Variants in ARPP21 observed in about 807,000 individuals in gnomAD.
ARPP21 encodes cAMP regulated phosphoprotein 21.
A neutral mutation model predicts 113.2 loss-of-function variants in ARPP21; 69 were observed. The ratio of observed to expected loss-of-function variants is 0.61; its 90% CI spans 0.50 to 0.74. ARPP21 has a LOEUF of 0.74. Ranked by LOEUF, ARPP21 falls within the 30% of genes least tolerant of loss-of-function variation. The pLI is 0.00. For missense variants in ARPP21, 1,070 were observed against 1,037.4 expected (o/e 1.03, Z -0.43); for synonymous variants, 368 against 375.5 (o/e 0.98, Z 0.23).
chr3:35,793,760 G>A lies in ARPP21; in HGVS notation c.2346G>A (p.Met782Ile). 6.2e-7 allele frequency: 1 copy of A among 1,613,858 alleles called. No individual in the cohort carries two copies. The highest frequency in any genetic ancestry group is 8.5e-7 in the Non-Finnish European group (1 of 1,179,738). The change falls in exon 21 of 21, where the codon ATG (methionine) becomes ATA (isoleucine). Residue 782 changes from methionine to isoleucine, a missense_variant. Physicochemically the swap from Met to Ile is conservative, Grantham distance 10. Transcript: ENST00000684406. ...AGCAGTCATACCAACAGCCAATCAT[G>A]CTACCTAACCAGGCAGGTCAAGGGT... ...LPQQSYQQPI[M>I]LPNQAGQGSL...
intron 18 of ARPP21, among the ~76,000 whole-genome samples, chr3:35,741,362 T>G (rs2094645863): frequency 6.6e-6 from 1 of 152,220 alleles, no homozygotes. Flanking sequence ...CAGATAAAGG[T>G]ATAGGCTATA....
intron 19 of ARPP21, among the ~76,000 whole-genome samples, chr3:35,767,214 C>T (rs866989602): frequency 2.0e-5 from 3 of 152,160 alleles, no homozygotes; most frequent in African/African-American, 7.2e-5. Flanking sequence ...ATAGTGATCT[C>T]TGGGACTTAC....
chr3:35,721,628 G>A lies in ARPP21; in HGVS notation c.1019G>A (p.Arg340Lys), dbSNP rs1179592951. 4 of 1,611,968 alleles carry A rather than the reference G, an allele frequency of 2.5e-6. No individual in the cohort carries two copies. In the Admixed American group the frequency reaches 6.7e-5, roughly 27 times the overall value. ...LFRGNRDGSG[R>K]TSGSRQSSSE... ...AGGGGCAACAGAGATGGCTCAGGGA[G>A]AACATCTGGGAGTCGACAGAGCAGC... Residue 340 changes from arginine (R) to lysine (K), a missense_variant, in exon 14 of 21, where the codon AGA (arginine) becomes AAA (lysine). Transcript: ENST00000684406.
chr3:35,743,199 CCT>C (rs1033474703), intron 18 of ARPP21, among the ~76,000 whole-genome samples: 24 of 152,262 alleles, frequency 1.6e-4, no homozygotes, highest in Middle Eastern at 3.4e-3. Flanking sequence ...ATGTTTCACC[CCT>C]GTTTCCATTA....
At chr3:35,649,603 C>A (rs190740553) in intron 1 of ARPP21, among the ~76,000 whole-genome samples, 1 of 152,070 alleles carries the variant, frequency 6.6e-6, no homozygotes, top group East Asian at 1.9e-4. Context: ...CCAGCATGTG[C>A]GGAAGGAATT....
intron 1 of ARPP21, among the ~76,000 whole-genome samples, chr3:35,666,518 A>C (rs1378350816): frequency 1.3e-5 from 2 of 152,200 alleles, no homozygotes; most frequent in African/African-American, 2.4e-5. Context: ...AACTAGTTTT[A>C]AAATTTTTGT....
At chr3:35,766,082 T>A (rs1271495977) in intron 19 of ARPP21, among the ~76,000 whole-genome samples, 1 of 152,192 alleles carries the variant, frequency 6.6e-6, no homozygotes, top group East Asian at 1.9e-4. Flanking sequence ...CTATTATTTA[T>A]GTGGAGTATC....
At chr3:35,707,509 C>T (rs1395886435) in intron 10 of ARPP21, 2 of 459,884 alleles carry the variant, frequency 4.3e-6, no homozygotes, top group Admixed American at 2.3e-5. Context: ...CGATGATCAA[C>T]CGGTGTAGCT....
intron 19 of ARPP21, among the ~76,000 whole-genome samples, chr3:35,761,102 C>A (rs1296968349): frequency 1.3e-5 from 2 of 152,082 alleles, no homozygotes; most frequent in Non-Finnish European, 2.9e-5. Flanking sequence ...TTTGAGAATT[C>A]TTCTGAGTTT....
intron 17 of ARPP21, 25 bp downstream of exon 17, chr3:35,738,343 T>A (rs2094476469): frequency 6.7e-7 from 1 of 1,491,890 alleles, no homozygotes; most frequent in African/African-American, 1.4e-5. Context: ...GTATATGACT[T>A]TTTCCCCTAG....
At chr3:35,737,115 G>T in intron 15 of ARPP21, 63 bp from the exon 16 acceptor site, 14 of 950,516 alleles carry the variant, frequency 1.5e-5, no homozygotes, top group Non-Finnish European at 2.2e-5. Flanking sequence ...CTAACAGAGT[G>T]GTTCTTCATG....
chr3:35,769,522 G>C (rs1045617109), intron 19 of ARPP21, among the ~76,000 whole-genome samples: 1 of 152,140 alleles, frequency 6.6e-6, no homozygotes, highest in Non-Finnish European at 1.5e-5. Flanking sequence ...GCCCCGCTTT[G>C]CTTTAAGTCT....
At position 35,680,612 on chromosome 3, in the gene ARPP21, C is replaced by T. The variant is rs192366391; in HGVS notation, c.-39+652C>T. Reference sequence around the variant, plus strand: ...GAAACATATTAAAACTCTTATTTGTCTAGTAATAATTACCATTGTAATGAC... The same window carrying T: ...GAAACATATTAAAACTCTTATTTGTTTAGTAATAATTACCATTGTAATGAC... On this transcript the variant is annotated intron_variant, in intron 2 of 20. Transcript: ENST00000684406. 1.4e-4 allele frequency among the ~76,000 whole-genome samples: 22 copies of T among 151,976 alleles called. No homozygotes were observed. In the East Asian group the frequency reaches 4.3e-3, roughly 30 times the overall value.
chr3:35,669,897 G>T (rs898205578), intron 1 of ARPP21, among the ~76,000 whole-genome samples: 1 of 152,040 alleles, frequency 6.6e-6, no homozygotes, highest in African/African-American at 2.4e-5. Flanking sequence ...GACTCCCCAG[G>T]GAGTTTCTGA....
At position 35,738,235 on chromosome 3, in the gene ARPP21, T is replaced by C. The variant is rs1427443770; in HGVS notation, c.1666T>C (p.Ser556Pro). Residue 556 changes from serine to proline, a missense_variant, in exon 17 of 21, where the codon TCC becomes CCC. Coordinates refer to ENST00000684406, the MANE Select transcript of ARPP21 (RefSeq NM_001385562.1). ...CCAGTCTGTCCAGGGGCTGCAGGCT[T>C]CCTCCCAGTCAGTGCAATATCCAGC... ...VTQSVQGLQA[S>P]SQSVQYPAVS... 1 of 1,536,074 alleles carries C rather than the reference T, an allele frequency of 6.5e-7. No individual in the cohort carries two copies. Among genetic ancestry groups the C allele is most frequent in the Non-Finnish European group, 8.7e-7 (1 of 1,146,648 alleles).
chr3:35,644,878 T>C (rs1699595653), intron 1 of ARPP21, among the ~76,000 whole-genome samples: 1 of 151,910 alleles, frequency 6.6e-6, no homozygotes, highest in African/African-American at 2.4e-5. Context: ...CAAAGAAATG[T>C]CTTTTGGCAG....
intron 1 of ARPP21, among the ~76,000 whole-genome samples, chr3:35,662,335 T>C (rs1332471204): frequency 5.9e-5 from 9 of 152,190 alleles, no homozygotes; most frequent in Non-Finnish European, 1.2e-4. Flanking sequence ...TAAAGCAAAA[T>C]GGTGATTGTT....
intron 19 of ARPP21, among the ~76,000 whole-genome samples, chr3:35,756,705 T>TTTGTTG (rs148039988): frequency 6.6e-6 from 1 of 151,978 alleles, no homozygotes; most frequent in Non-Finnish European, 1.5e-5. Flanking sequence ...TGGGGATTGT[T>TTTGTTG]TTGTTGTTGT....
chr3:35,722,501 A>G (rs2093183064), intron 14 of ARPP21, among the ~76,000 whole-genome samples: 1 of 152,232 alleles, frequency 6.6e-6, no homozygotes, highest in Non-Finnish European at 1.5e-5. Flanking sequence ...ATAAACCCCC[A>G]ATAAACTCTA....
Sources: allele counts gnomAD v4.1 joint callset (sites outside exome capture counted in the v4.1 genomes callset), GRCh38; gene constraint gnomAD v4.1.1; transcripts MANE v1.5; gene names NCBI Gene and HGNC (gene_info 2026-07-23, HGNC 2026-07-21).